The following CPNE8 variants were observed in gnomAD, a reference collection of about 807,000 sequenced individuals.
CPNE8 encodes copine-8.
Under a neutral mutation model 81.5 loss-of-function variants are expected in CPNE8, and 45 were observed. The ratio of observed to expected loss-of-function variants is 0.55; its 90% CI spans 0.44 to 0.71. The LOEUF is 0.71. Among genes scored for constraint, CPNE8 ranks in the 30% least tolerant of loss-of-function variants. The probability of loss-of-function intolerance (pLI) is 0.00; values close to 1 mark genes in which losing one functional copy is unlikely to be tolerated. For synonymous variants in CPNE8, 252 were observed against 226.3 expected (o/e 1.11, Z -1.02); for missense variants, 594 against 672.1 (o/e 0.88, Z 1.28).
At chr12:38,661,571 C>G (rs371151913) in intron 19 of CPNE8, among the ~76,000 whole-genome samples, 1 of 151,892 alleles carries the variant, frequency 6.6e-6, no homozygotes, top group Non-Finnish European at 1.5e-5. Flanking sequence ...CAAACCTGCA[C>G]GTTGTACCCT....
chr12:38,905,611 G>T, upstream of CPNE8: 1 of 1,526,826 alleles, frequency 6.5e-7, no homozygotes, highest in Admixed American at 2.0e-5. Flanking sequence ...CTCCCGTCAG[G>T]CGGGGATGGG....
At chr12:38,738,725 T>G (rs1472554322) in intron 10 of CPNE8, among the ~76,000 whole-genome samples, 1 of 152,178 alleles carries the variant, frequency 6.6e-6, no homozygotes, top group Non-Finnish European at 1.5e-5. Context: ...AACTCCTTAT[T>G]ACCATTCGGT....
intron 13 of CPNE8, among the ~76,000 whole-genome samples, chr12:38,716,957 C>T (rs563354918): frequency 6.6e-6 from 1 of 151,872 alleles, no homozygotes; most frequent in East Asian, 1.9e-4. Context: ...AAAACAATGA[C>T]CCCATCAAAA....
chr12:38,694,821 T>C (rs1436352154), intron 14 of CPNE8, among the ~76,000 whole-genome samples: 1 of 152,166 alleles, frequency 6.6e-6, no homozygotes, highest in Non-Finnish European at 1.5e-5. Flanking sequence ...TAAAGCATTG[T>C]CTGAAGAAGA....
chr12:38,670,032 C>A (rs748776624), intron 19 of CPNE8, among the ~76,000 whole-genome samples: 2 of 152,148 alleles, frequency 1.3e-5, no homozygotes, highest in Non-Finnish European at 2.9e-5. Flanking sequence ...AAAAGTCCCT[C>A]CCAGGTTTGA....
At chr12:38,789,265 T>A (rs528878700) in intron 6 of CPNE8, among the ~76,000 whole-genome samples, 1 of 151,924 alleles carries the variant, frequency 6.6e-6, no homozygotes, top group Admixed American at 6.6e-5. Flanking sequence ...CATAGCCCAA[T>A]GGAACAAAAT....
chr12:38,833,572 G>A (rs184646194), intron 5 of CPNE8, among the ~76,000 whole-genome samples: 2 of 147,384 alleles, frequency 1.4e-5, no homozygotes, highest in East Asian at 2.0e-4. Flanking sequence ...TCCACTTCCT[G>A]GGTTTGCACC....
At chr12:38,876,993 A>G (rs1041274203) in intron 1 of CPNE8, among the ~76,000 whole-genome samples, 1 of 152,252 alleles carries the variant, frequency 6.6e-6, no homozygotes, top group Non-Finnish European at 1.5e-5. Context: ...AGGCCATTTC[A>G]TAAATTCAGA....
intron 13 of CPNE8, among the ~76,000 whole-genome samples, chr12:38,707,509 A>G (rs912167640): frequency 6.6e-6 from 1 of 152,078 alleles, no homozygotes; most frequent in African/African-American, 2.4e-5. Context: ...GAAAGGCAGG[A>G]CCAATGAGCA....
chr12:38,757,621 T>C (rs760375555), intron 10 of CPNE8, among the ~76,000 whole-genome samples: 6 of 152,050 alleles, frequency 3.9e-5, no homozygotes, highest in East Asian at 1.9e-4. Context: ...ATCCACAAAC[T>C]GATCATTTTG....
At chr12:38,670,632 C>A in intron 19 of CPNE8, 97 bp downstream of exon 19, 2 of 736,220 alleles carry the variant, frequency 2.7e-6, no homozygotes, top group Non-Finnish European at 4.4e-6. Flanking sequence ...AGAAAAGCAT[C>A]ATTAAAAAGT....
At chr12:38,687,896 G>A (rs751351438) in intron 15 of CPNE8, among the ~76,000 whole-genome samples, 60 of 152,168 alleles carry the variant, frequency 3.9e-4, no homozygotes, top group South Asian at 1.7e-3. Context: ...TGCATGACTT[G>A]GCTGAAAACA....
At chr12:38,827,965 C>A (rs1378812945) in intron 6 of CPNE8, among the ~76,000 whole-genome samples, 2 of 152,008 alleles carry the variant, frequency 1.3e-5, no homozygotes, top group Non-Finnish European at 1.5e-5. Flanking sequence ...TACCTCTGAA[C>A]CTAAAATAAA....
rs185257883 is a variant in CPNE8, at chr12:38,819,859, A to G, written c.407+9520T>C. ...TCAGTGCGTTATAACTCAGACCAAG[A>G]TAAGTGTGATGCTTATGTTCCAAGG... On this transcript the variant is annotated intron_variant, in intron 6 of 19. Coordinates refer to ENST00000331366, the MANE Select transcript of CPNE8 (RefSeq NM_153634.3). 3.9e-3 allele frequency among the ~76,000 whole-genome samples: 590 copies of G among 151,976 alleles called. 3 individuals carry two copies. Among genetic ancestry groups the G allele is most frequent in the South Asian group, 0.025 (118 of 4,804 alleles).
chr12:38,813,853 GA>G (rs1942977888), intron 6 of CPNE8, among the ~76,000 whole-genome samples: 1 of 152,202 alleles, frequency 6.6e-6, no homozygotes. Flanking sequence ...ATGGTGTCAT[GA>G]AAGCAAAGGA....
chr12:38,800,622 A>C (rs1942637739), intron 6 of CPNE8, among the ~76,000 whole-genome samples: 1 of 18,494 alleles, frequency 5.4e-5, no homozygotes, highest in East Asian at 9.0e-4. Flanking sequence ...AAAGGAACGC[A>C]GTTCCTCACC....
chr12:38,724,360 T>G (rs1940643077), intron 12 of CPNE8, among the ~76,000 whole-genome samples: 1 of 6,050 alleles, frequency 1.7e-4, no homozygotes, highest in African/African-American at 1.8e-4. Context: ...AATAGGATGA[T>G]ATTGATTTTT....
chr12:38,817,845 G>C (rs150895570), intron 6 of CPNE8, among the ~76,000 whole-genome samples: 1 of 151,868 alleles, frequency 6.6e-6, no homozygotes, highest in Non-Finnish European at 1.5e-5. Context: ...GGATGGTCTC[G>C]ATCTCCTGAC....
intron 10 of CPNE8, among the ~76,000 whole-genome samples, chr12:38,737,852 G>A (rs1940990750): frequency 6.6e-6 from 1 of 151,644 alleles, no homozygotes; most frequent in South Asian, 2.1e-4. Context: ...CTGCACAAAC[G>A]TATACAACAC....
Sources: gnomAD v4.1 joint callset for allele counts (sites outside exome capture counted in the v4.1 genomes callset) on GRCh38, gnomAD v4.1.1 for gene constraint, MANE v1.5 for transcripts, NCBI Gene and HGNC (gene_info 2026-07-23, HGNC 2026-07-21) for gene names.